Variants in GRM7 observed in about 807,000 individuals in gnomAD.
The protein encoded by GRM7 is glutamate metabotropic receptor 7.
In GRM7, 35 loss-of-function variants were observed where a neutral mutation model predicts 84.5. That is an observed-to-expected ratio of 0.41 (90% CI 0.32 to 0.55). The LOEUF is 0.55. Ranked by LOEUF, GRM7 falls within the 20% of genes least tolerant of loss-of-function variation. GRM7 has a pLI of 0.19. For synonymous variants in GRM7, 487 were observed against 455.1 expected, an observed-to-expected ratio of 1.07 and a Z score of -0.89; for missense variants, 1,003 against 1,194.6, an observed-to-expected ratio of 0.84 and a Z score of 2.36.
intron 1 of GRM7, among the ~76,000 whole-genome samples, chr3:7,021,940 G>A (rs1044842067): frequency 5.3e-5 from 8 of 152,080 alleles, no homozygotes; most frequent in Non-Finnish European, 1.2e-4. Flanking sequence ...TACACTAAGG[G>A]CTTTTTCATA....
chr3:7,209,638 C>T (rs1696354221), intron 2 of GRM7, among the ~76,000 whole-genome samples: 1 of 152,224 alleles, frequency 6.6e-6, no homozygotes, highest in African/African-American at 2.4e-5. Flanking sequence ...ACGTGTGGAA[C>T]TAAAAAGCTG....
intron 7 of GRM7, chr3:7,561,494 A>G (rs1384224688): frequency 1.5e-5 from 7 of 456,322 alleles, no homozygotes; most frequent in African/African-American, 4.0e-5. Flanking sequence ...TGTTAGAAGG[A>G]TGGGATAGAG....
At chr3:7,405,629 A>G (rs1695642111) in intron 4 of GRM7, among the ~76,000 whole-genome samples, 1 of 152,142 alleles carries the variant, frequency 6.6e-6, no homozygotes, top group Non-Finnish European at 1.5e-5. Flanking sequence ...ATAGGAATTA[A>G]CTTATCTTGG....
intron 2 of GRM7, among the ~76,000 whole-genome samples, chr3:7,228,797 C>T (rs1443787797): frequency 6.6e-6 from 1 of 152,076 alleles, no homozygotes; most frequent in Non-Finnish European, 1.5e-5. Flanking sequence ...CCTTTATTTG[C>T]TTTTCCATTG....
In GRM7 at chr3:7,042,786, T is replaced by C. The variant is rs191660330; in HGVS notation, c.520-103666T>C. Among the ~76,000 whole-genome samples the C allele has an allele frequency of 3.3e-5, 5 of 152,334 alleles. No individual in the cohort carries two copies. The East Asian group carries it at 9.6e-4, about 29-fold the overall frequency. ...AATATCTATATTTCTCCTGGATTCA[T>C]TTCAATTGATTTATTTTCCTCCCAA... is the stretch of plus-strand genomic sequence containing the variant. On this transcript the variant is annotated intron_variant, in intron 1 of 9. Coordinates refer to ENST00000357716, the MANE Select transcript of GRM7 (RefSeq NM_000844.4).
intron 8 of GRM7, among the ~76,000 whole-genome samples, chr3:7,600,919 A>C (rs148507800): frequency 3.3e-5 from 5 of 152,256 alleles, no homozygotes; most frequent in African/African-American, 9.6e-5. Flanking sequence ...AGACAGAAAT[A>C]GATAGCAATG....
intron 8 of GRM7, among the ~76,000 whole-genome samples, chr3:7,666,642 C>T (rs1699713350): frequency 1.3e-5 from 2 of 152,066 alleles, no homozygotes. Context: ...AGCCACTGGT[C>T]TTTGTGCTTT....
intron 1 of GRM7, among the ~76,000 whole-genome samples, chr3:6,926,770 G>T (rs1392774261): frequency 1.3e-5 from 2 of 152,188 alleles, no homozygotes; most frequent in African/African-American, 4.8e-5. Context: ...CTATATGCAA[G>T]GGATAAACCA....
intron 1 of GRM7, among the ~76,000 whole-genome samples, chr3:7,021,908 A>G (rs1237946561): frequency 6.6e-6 from 1 of 152,216 alleles, no homozygotes; most frequent in African/African-American, 2.4e-5. Context: ...ACTTGGTGTG[A>G]AAATGTTGCC....
intron 1 of GRM7, among the ~76,000 whole-genome samples, chr3:7,048,453 G>C (rs575382119): frequency 6.6e-5 from 10 of 150,888 alleles, no homozygotes; most frequent in African/African-American, 2.4e-4. Context: ...TTGTATTTTT[G>C]TTTTGCTGAC....
intron 2 of GRM7, among the ~76,000 whole-genome samples, chr3:7,240,120 G>GTTTTTTTTGT (rs1697495773): frequency 1.9e-5 from 1 of 52,732 alleles, no homozygotes; most frequent in African/African-American, 7.0e-5. Context: ...AGCATGTGAG[G>GTTTTTTTTGT]TTTTTTTTTT....
intron 2 of GRM7, among the ~76,000 whole-genome samples, chr3:7,248,718 A>G (rs1289204379): frequency 6.6e-6 from 1 of 152,110 alleles, no homozygotes; most frequent in African/African-American, 2.4e-5. Context: ...GTGCCAAATA[A>G]TGGCCCTGTT....
At chr3:7,425,518 G>T (rs902775492) in intron 5 of GRM7, among the ~76,000 whole-genome samples, 2 of 152,124 alleles carry the variant, frequency 1.3e-5, no homozygotes, top group African/African-American at 4.8e-5. Context: ...AGATGGTGGA[G>T]ACTGAAATAG....
chr3:7,346,947 T>C (rs1692919898), intron 4 of GRM7, among the ~76,000 whole-genome samples: 1 of 152,110 alleles, frequency 6.6e-6, no homozygotes. Context: ...TCAAGTGAGA[T>C]CGTGTGCTAT....
chr3:6,991,082 A>T (rs936889067), intron 1 of GRM7, among the ~76,000 whole-genome samples: 1 of 152,114 alleles, frequency 6.6e-6, no homozygotes, highest in Non-Finnish European at 1.5e-5. Context: ...GCATACATAC[A>T]TACATACATA....
intron 5 of GRM7, among the ~76,000 whole-genome samples, chr3:7,425,589 C>T (rs1696574576): frequency 6.6e-6 from 1 of 152,090 alleles, no homozygotes; most frequent in Non-Finnish European, 1.5e-5. Context: ...TTTGGAGTAG[C>T]AGTTGTAAAT....
chr3:6,902,553 T>C (rs1344672769), intron 1 of GRM7, among the ~76,000 whole-genome samples: 3 of 152,160 alleles, frequency 2.0e-5, no homozygotes, highest in Non-Finnish European at 2.9e-5. Context: ...TGAATAAACT[T>C]GTTCTATTAT....
At chr3:7,698,588 G>A (rs1013376864) in intron 9 of GRM7, among the ~76,000 whole-genome samples, 4 of 152,102 alleles carry the variant, frequency 2.6e-5, no homozygotes, top group African/African-American at 9.7e-5. Context: ...GTTTGTGGAA[G>A]GTCTGTTTTC....
intron 7 of GRM7, among the ~76,000 whole-genome samples, chr3:7,474,472 A>G (rs1416158696): frequency 2.0e-5 from 3 of 151,284 alleles, no homozygotes; most frequent in Non-Finnish European, 2.9e-5. Context: ...AATTGAGAGT[A>G]GTAACCCCCC....
Sources: gnomAD v4.1 joint callset for allele counts (sites outside exome capture counted in the v4.1 genomes callset) on GRCh38, gnomAD v4.1.1 for gene constraint, MANE v1.5 for transcripts, NCBI Gene and HGNC (gene_info 2026-07-23, HGNC 2026-07-21) for gene names.